Variants in JARID2 observed in about 807,000 individuals in gnomAD.
JARID2 encodes protein Jumonji.
Under a neutral mutation model 125.6 loss-of-function variants are expected in JARID2, and 21 were observed. The ratio of observed to expected loss-of-function variants is 0.17; its 90% CI spans 0.12 to 0.24. JARID2 has a LOEUF of 0.24. Ranked by LOEUF, JARID2 falls within the 10% of genes least tolerant of loss-of-function variation. The pLI, the probability that JARID2 is intolerant of heterozygous loss-of-function variation, is 1.00. For synonymous variants in JARID2, 736 were observed against 661.6 expected, an observed-to-expected ratio of 1.11 and a Z score of -1.73; for missense variants, 1,303 against 1,639.6, an observed-to-expected ratio of 0.79 and a Z score of 3.55.
chr6:15,408,393 T>TTTTTTTTTTTA (rs533091780), intron 2 of JARID2, among the ~76,000 whole-genome samples: 1 of 152,224 alleles, frequency 6.6e-6, no homozygotes, highest in East Asian at 1.9e-4. Context: ...TTTATCCATC[T>TTTTTTTTTTTA]TCTCTTTTTA....
At chr6:15,437,339 T>G (rs2127610995) in intron 3 of JARID2, among the ~76,000 whole-genome samples, 1 of 152,310 alleles carries the variant, frequency 6.6e-6, no homozygotes, top group East Asian at 1.9e-4. Context: ...TCTCCTTCAT[T>G]ATCCATTCCC....
At chr6:15,288,520 C>G (rs1201046207) in intron 1 of JARID2, among the ~76,000 whole-genome samples, 1 of 152,118 alleles carries the variant, frequency 6.6e-6, no homozygotes, top group Admixed American at 6.5e-5. Flanking sequence ...AGCGAGTGCC[C>G]AACGTTATTA....
intron 1 of JARID2, among the ~76,000 whole-genome samples, chr6:15,349,031 A>G (rs1038053318): frequency 6.6e-6 from 1 of 152,194 alleles, no homozygotes; most frequent in Non-Finnish European, 1.5e-5. Context: ...TGTATTAGGA[A>G]GGGAAAAATG....
At position 15,504,487 on chromosome 6, in the gene JARID2, T is replaced by C. The variant is rs1581657686; in HGVS notation, c.2449-13T>C. 7.5e-6 allele frequency: 12 copies of C among 1,596,674 alleles called. No homozygotes were observed. The highest frequency in any genetic ancestry group is 2.7e-5 in the African/African-American group (2 of 74,558). ...TTGCTTCTGAAGCTTTACTGTTTTT[T>C]GTTTTGTTTCAGGGAAGGTCTGTTT... On this transcript the variant is annotated splice_polypyrimidine_tract_variant and intron_variant, in intron 8 of 17. Coordinates refer to ENST00000341776, the MANE Select transcript of JARID2 (RefSeq NM_004973.4).
chr6:15,423,940 C>G (rs928730433), intron 3 of JARID2, among the ~76,000 whole-genome samples: 7 of 152,124 alleles, frequency 4.6e-5, no homozygotes, highest in East Asian at 1.9e-4. Flanking sequence ...AAGACACCTC[C>G]TCTCCCGGAG....
Position 15,520,334 on chromosome 6 carries a change from A to G in JARID2, c.*83A>G. On this transcript the variant is annotated 3_prime_UTR_variant, in exon 18 of 18. Transcript: ENST00000341776. Reference sequence around the variant, plus strand: ...TTTGGAGTACTTGCTGTAGGATTCAAGCTGTCTTTGCACTAGCTCTAAAGA... The same window carrying G: ...TTTGGAGTACTTGCTGTAGGATTCAGGCTGTCTTTGCACTAGCTCTAAAGA... 6 of 1,090,496 alleles carry G rather than the reference A, an allele frequency of 5.5e-6. No homozygotes were observed. Among genetic ancestry groups the G allele is most frequent in the African/African-American group, 1.6e-5 (1 of 61,492 alleles). The allele number at this position is 1,090,496 out of a possible 1,614,324, so 67.6% of individuals were successfully genotyped here.
intron 1 of JARID2, among the ~76,000 whole-genome samples, chr6:15,255,350 G>A (rs1390079552): frequency 5.9e-5 from 9 of 152,100 alleles, no homozygotes; most frequent in Middle Eastern, 3.4e-3. Context: ...TGATCAGCCC[G>A]CCTCAGCCTC....
At chr6:15,283,072 G>T (rs1272822065) in intron 1 of JARID2, among the ~76,000 whole-genome samples, 1 of 151,206 alleles carries the variant, frequency 6.6e-6, no homozygotes, top group Admixed American at 6.6e-5. Flanking sequence ...TCTGCCTCCC[G>T]GGTTCTTGCC....
chr6:15,446,978 A>G (rs901514338), intron 3 of JARID2, among the ~76,000 whole-genome samples: 1 of 152,154 alleles, frequency 6.6e-6, no homozygotes, highest in Non-Finnish European at 1.5e-5. Context: ...CTAGTTACTC[A>G]TGTGTACAGT....
intron 3 of JARID2, among the ~76,000 whole-genome samples, chr6:15,430,100 A>T (rs554362814): frequency 9.9e-5 from 15 of 152,050 alleles, no homozygotes; most frequent in Non-Finnish European, 2.2e-4. Flanking sequence ...AGCTTTCTGG[A>T]CTCTTTCAAA....
At chr6:15,459,751 C>G (rs1768357863) in intron 4 of JARID2, among the ~76,000 whole-genome samples, 1 of 152,100 alleles carries the variant, frequency 6.6e-6, no homozygotes, top group South Asian at 2.1e-4. Context: ...GTGGTCCTAG[C>G]CTTGAGTATT....
intron 3 of JARID2, among the ~76,000 whole-genome samples, chr6:15,449,469 G>GA (rs1022158849): frequency 8.6e-5 from 13 of 150,532 alleles, no homozygotes; most frequent in African/African-American, 3.0e-4. Flanking sequence ...AACATGGGGA[G>GA]ACCCTGTCTT....
intron 1 of JARID2, among the ~76,000 whole-genome samples, chr6:15,296,650 A>G (rs893745000): frequency 1.3e-5 from 2 of 152,168 alleles, no homozygotes; most frequent in Non-Finnish European, 2.9e-5. Context: ...TCCTAAAATT[A>G]AGGATATTTT....
At chr6:15,340,697 G>T (rs1229725922) in intron 1 of JARID2, among the ~76,000 whole-genome samples, 1 of 152,174 alleles carries the variant, frequency 6.6e-6, no homozygotes, top group African/African-American at 2.4e-5. Flanking sequence ...GGTAGAGTTA[G>T]ATTTATGAAG....
chr6:15,508,253 G>T, intron 11 of JARID2, 87 bp from the exon 12 acceptor site: 2 of 724,080 alleles, frequency 2.8e-6, no homozygotes, highest in South Asian at 1.6e-5. Flanking sequence ...TCTTGTTTTA[G>T]CGGAAGAAAG....
At chr6:15,327,541 GT>G in intron 1 of JARID2, among the ~76,000 whole-genome samples, 1 of 151,364 alleles carries the variant, frequency 6.6e-6, no homozygotes, top group Admixed American at 6.6e-5. Flanking sequence ...GTGTGTGTGT[GT>G]GTGTGTGTGC....
chr6:15,304,240 CCTCCTTTTG>C (rs1384966806), intron 1 of JARID2, among the ~76,000 whole-genome samples: 1 of 150,420 alleles, frequency 6.6e-6, no homozygotes, highest in East Asian at 2.0e-4. Context: ...GTTGTCCCAG[CCTCCTTTTG>C]CTCCTTTTCC....
At chr6:15,320,636 A>G (rs1762319234) in intron 1 of JARID2, among the ~76,000 whole-genome samples, 1 of 152,214 alleles carries the variant, frequency 6.6e-6, no homozygotes, top group South Asian at 2.1e-4. Flanking sequence ...AATGACCCAA[A>G]TGTTTCCTTC....
intron 3 of JARID2, among the ~76,000 whole-genome samples, chr6:15,427,152 A>G (rs1487930009): frequency 6.6e-6 from 1 of 152,166 alleles, no homozygotes; most frequent in Non-Finnish European, 1.5e-5. Flanking sequence ...GAGAGGTCTT[A>G]TTAGATACTC....
Sources: gnomAD v4.1 joint callset for allele counts (sites outside exome capture counted in the v4.1 genomes callset) on GRCh38, gnomAD v4.1.1 for gene constraint, MANE v1.5 for transcripts, NCBI Gene and HGNC (gene_info 2026-07-23, HGNC 2026-07-21) for gene names.